INPP5F: variants seen among roughly 807,000 people sequenced by gnomAD.
INPP5F encodes the protein inositol polyphosphate-5-phosphatase F.
A neutral mutation model predicts 137.2 loss-of-function variants in INPP5F; 97 were observed. That is an observed-to-expected ratio of 0.71 (90% CI 0.60 to 0.84). The LOEUF (loss-of-function observed/expected upper bound fraction) is 0.84, where lower values mean the gene tolerates loss of function less well. Ranked by LOEUF, INPP5F falls within the 40% of genes least tolerant of loss-of-function variation. The pLI is 0.00. For synonymous variants in INPP5F, 504 were observed against 476.9 expected (o/e 1.06, Z -0.74); for missense variants, 1,271 against 1,371.9 (o/e 0.93, Z 1.16).
intron 6 of INPP5F, 77 bp downstream of exon 6, chr10:119,792,290 T>C: frequency 9.9e-7 from 1 of 1,012,932 alleles, no homozygotes; most frequent in South Asian, 1.4e-5. Flanking sequence ...GTTATAATTG[T>C]TAAGCAAATG....
Position 119,726,068 on chromosome 10 carries a change from C to T in INPP5F, c.-195C>T, listed in dbSNP as rs1363861860. The T allele has an allele frequency of 5.4e-6, 2 of 369,006 alleles. No homozygotes were observed. Among genetic ancestry groups the T allele is most frequent in the Non-Finnish European group, 9.6e-6 (2 of 208,354 alleles). The allele number at this position is 369,006 out of a possible 1,614,324, so 22.9% of individuals were successfully genotyped here. On this transcript the variant is annotated 5_prime_UTR_variant, in exon 1 of 20. Transcript: ENST00000650623. ...CGGGGGGGAGAGGCCTCTACGGCCGCCGCTGCCGCCGCCGCTGCCGGGGCG... is the reference window on the plus strand; with the variant it reads ...CGGGGGGGAGAGGCCTCTACGGCCGTCGCTGCCGCCGCCGCTGCCGGGGCG...
chr10:119,789,749 T>C (rs778912784), intron 3 of INPP5F, among the ~76,000 whole-genome samples: 2 of 151,564 alleles, frequency 1.3e-5, no homozygotes, highest in Non-Finnish European at 2.9e-5. Flanking sequence ...AAGGACAGTA[T>C]TGGAATCCAT....
chr10:119,795,682 C>T (rs940238061), intron 6 of INPP5F, among the ~76,000 whole-genome samples: 4 of 152,072 alleles, frequency 2.6e-5, no homozygotes, highest in East Asian at 3.9e-4. Context: ...GGGTGGCGGC[C>T]GGGCAGAGGC....
At chr10:119,747,147 ACAT>A (rs1848558883) in intron 1 of INPP5F, among the ~76,000 whole-genome samples, 1 of 152,216 alleles carries the variant, frequency 6.6e-6, no homozygotes, top group Non-Finnish European at 1.5e-5. Context: ...AAGGAAATAA[ACAT>A]CATGTTAGGC....
At chr10:119,740,024 G>A (rs1259747877) in intron 1 of INPP5F, among the ~76,000 whole-genome samples, 2 of 126,686 alleles carry the variant, frequency 1.6e-5, no homozygotes, top group Non-Finnish European at 3.6e-5. Flanking sequence ...CATTTATTAT[G>A]CTTTTCTTAA....
intron 2 of INPP5F, among the ~76,000 whole-genome samples, chr10:119,761,231 A>T (rs1234924088): frequency 6.6e-6 from 1 of 152,218 alleles, no homozygotes. Flanking sequence ...CCTATTAAAA[A>T]TGTCTCTTGC....
intron 15 of INPP5F, among the ~76,000 whole-genome samples, chr10:119,814,794 C>T (rs1028229294): frequency 6.6e-6 from 1 of 152,202 alleles, no homozygotes; most frequent in Non-Finnish European, 1.5e-5. Context: ...TGCAGCTGCC[C>T]CACTGTGGGT....
intron 2 of INPP5F, among the ~76,000 whole-genome samples, chr10:119,770,010 A>G (rs533990111): frequency 2.0e-4 from 31 of 152,278 alleles, no homozygotes; most frequent in African/African-American, 7.5e-4. Flanking sequence ...TCTTTATCCT[A>G]CAGTTGCTCA....
chr10:119,784,663 A>G (rs1025303542), intron 3 of INPP5F, among the ~76,000 whole-genome samples: 1 of 152,228 alleles, frequency 6.6e-6, no homozygotes, highest in Non-Finnish European at 1.5e-5. Context: ...TCGCAAATAT[A>G]TGCCTTATTT....
chr10:119,764,408 G>A (rs1005971760), intron 2 of INPP5F, among the ~76,000 whole-genome samples: 2 of 152,066 alleles, frequency 1.3e-5, no homozygotes, highest in South Asian at 4.1e-4. Flanking sequence ...AACTGTGTGG[G>A]TTCATGTATA....
rs1013546742 is a variant in INPP5F, at chr10:119,733,400, G to A, written c.97+7041G>A. Among the ~76,000 whole-genome samples the A allele has an allele frequency of 3.9e-5, 6 of 152,284 alleles. No individual in the cohort carries two copies. The Middle Eastern group carries it at 0.01, about 259-fold the overall frequency. ...AGTGTTTGGAAGATCTGCAGTTTGG[G>A]AAGGGAATAGATACAGGGGAGATCT... On this transcript the variant is annotated intron_variant, in intron 1 of 19. Transcript: ENST00000650623.
Position 119,787,275 on chromosome 10 carries a change from G to A in INPP5F, c.316-4242G>A, listed in dbSNP as rs1849951911. On this transcript the variant is annotated intron_variant, in intron 3 of 19. Transcript: ENST00000650623. This position sits in a 1 kb window ranked among gnomAD's most constrained non-coding sequence, Gnocchi z 4.1. Reference sequence around the variant, plus strand: ...AACTCTGTTTCAAGCCCAGGATGAGGGTAGATAAAAGAAATAAAAATAGAA... The same window carrying A: ...AACTCTGTTTCAAGCCCAGGATGAGAGTAGATAAAAGAAATAAAAATAGAA... Among the ~76,000 whole-genome samples, 1 of 152,052 alleles carries A rather than the reference G, an allele frequency of 6.6e-6. No homozygotes were observed. The highest frequency in any genetic ancestry group is 2.1e-4 in the South Asian group (1 of 4,818).
chr10:119,775,280 G>T (rs1215603062), intron 2 of INPP5F, among the ~76,000 whole-genome samples: 1 of 152,156 alleles, frequency 6.6e-6, no homozygotes, highest in South Asian at 2.1e-4. Context: ...TTTTGAGGCA[G>T]CATCTCTCAT....
At chr10:119,763,361 C>A (rs1304872848) in intron 2 of INPP5F, among the ~76,000 whole-genome samples, 2 of 152,218 alleles carry the variant, frequency 1.3e-5, no homozygotes, top group African/African-American at 2.4e-5. Flanking sequence ...TGGCAGAGAC[C>A]ATCTTGCCTG....
At chr10:119,769,292 T>A (rs1298635731) in intron 2 of INPP5F, among the ~76,000 whole-genome samples, 3 of 152,162 alleles carry the variant, frequency 2.0e-5, no homozygotes, top group African/African-American at 7.2e-5. Context: ...ATTTTAAAAA[T>A]TTTATTTATA....
intron 8 of INPP5F, 113 bp downstream of exon 8, chr10:119,797,753 G>A (rs1850436337): frequency 4.3e-6 from 3 of 697,106 alleles, no homozygotes; most frequent in South Asian, 3.1e-5. Context: ...CTTTCAAAAC[G>A]ATAACTTGTA....
intron 1 of INPP5F, among the ~76,000 whole-genome samples, chr10:119,744,613 A>G (rs1848475397): frequency 6.6e-6 from 1 of 151,980 alleles, no homozygotes; most frequent in South Asian, 2.1e-4. Context: ...GTGCAGTGGC[A>G]CCATCAGAGC....
chr10:119,818,863 C>T (rs891762346), intron 15 of INPP5F: 2 of 152,322 alleles, frequency 1.3e-5, no homozygotes, highest in Non-Finnish European at 2.9e-5. Flanking sequence ...CTGCCACTGC[C>T]GCAGCAGCCG....
Position 119,771,843 on chromosome 10 carries a change from GAGATATATATATAT to G in INPP5F, c.179-9790_179-9777del, listed in dbSNP as rs1330785321. On this transcript the variant is annotated intron_variant, in intron 2 of 19. Coordinates refer to ENST00000650623, the MANE Select transcript of INPP5F (RefSeq NM_014937.4). ...TATCATCCATACTCCATAAAGTATG[GAGATATATATATAT>G]ATATATATATATATATATATATATA... 2.9e-4 allele frequency among the ~76,000 whole-genome samples: 12 copies of G among 40,886 alleles called. No homozygotes were observed. In the East Asian group the frequency reaches 4.7e-3, roughly 16 times the overall value. 26.8% of individuals were successfully genotyped at this position (40,886 alleles called of 152,430 possible).
Sources: allele counts gnomAD v4.1 joint callset (sites outside exome capture counted in the v4.1 genomes callset), GRCh38; gene constraint gnomAD v4.1.1; non-coding constraint Gnocchi (gnomAD v3.1); transcripts MANE v1.5; gene names NCBI Gene and HGNC (gene_info 2026-07-23, HGNC 2026-07-21).